The following IL1B variants were observed in gnomAD, a reference collection of about 807,000 sequenced individuals.
IL1B encodes interleukin-1 beta.
IL1B carries 11 observed loss-of-function variants against 26.2 expected under a neutral mutation model. The observed-to-expected ratio is 0.42, with a 90% confidence interval of 0.26 to 0.70. The LOEUF (loss-of-function observed/expected upper bound fraction) is 0.70, where lower values mean the gene tolerates loss of function less well. Among genes scored for constraint, IL1B ranks in the 30% least tolerant of loss-of-function variants. The pLI is 0.25. For missense variants in IL1B, 255 were observed against 327.5 expected, an observed-to-expected ratio of 0.78 and a Z score of 1.71; for synonymous variants, 118 against 120.8, an observed-to-expected ratio of 0.98 and a Z score of 0.15.
At chr2:112,836,376 A>T in intron 1 of IL1B, 132 bp from the exon 2 acceptor site, 1 of 726,354 alleles carries the variant, frequency 1.4e-6, no homozygotes, top group Non-Finnish European at 2.4e-6. Flanking sequence ...TGTGAAAGAG[A>T]AGTCCTTTGG....
intron 4 of IL1B, 113 bp downstream of exon 4, chr2:112,833,261 C>A: frequency 1.0e-6 from 1 of 957,942 alleles, no homozygotes; most frequent in Non-Finnish European, 1.7e-6. Flanking sequence ...TGTCTCCCCG[C>A]TGGGCCTTCT....
chr2:112,830,604 G>A (rs749336024), intron 6 of IL1B, 31 bp from the exon 7 acceptor site: 37 of 1,478,756 alleles, frequency 2.5e-5, no homozygotes, highest in Non-Finnish European at 3.1e-5. Context: ...GAATTTTTGT[G>A]GGGCAAGGGA....
intron 3 of IL1B, 168 bp downstream of exon 3, chr2:112,835,398 G>A (rs1682070509): frequency 1.5e-6 from 1 of 683,158 alleles, no homozygotes; most frequent in Non-Finnish European, 2.7e-6. Flanking sequence ...GTGATATGAT[G>A]ACCAAGTGGC....
chr2:112,836,637 A>T (rs967904099), intron 1 of IL1B, 71 bp downstream of exon 1: 2 of 267,664 alleles, frequency 7.5e-6, no homozygotes, highest in East Asian at 1.8e-4. Flanking sequence ...GAGAATATGC[A>T]TACACACAAA....
chr2:112,835,683 G>A, intron 2 of IL1B, 66 bp from the exon 3 acceptor site: 2 of 1,361,144 alleles, frequency 1.5e-6, no homozygotes, highest in Non-Finnish European at 2.1e-6. Flanking sequence ...CCTTCCCTGT[G>A]TACAAGACTT....
At chr2:112,834,935 C>G (rs1391648045) in intron 3 of IL1B, among the ~76,000 whole-genome samples, 1 of 152,160 alleles carries the variant, frequency 6.6e-6, no homozygotes, top group Non-Finnish European at 1.5e-5. Context: ...GCCCAAATGC[C>G]CTTAGCTACA....
intron 3 of IL1B, among the ~76,000 whole-genome samples, chr2:112,834,092 C>T (rs1046383856): frequency 1.3e-5 from 2 of 152,206 alleles, no homozygotes; most frequent in Non-Finnish European, 2.9e-5. Context: ...TACTCAAGGG[C>T]ACACAGCAGG....
chr2:112,830,786 A>G (rs1479366016), intron 6 of IL1B, among the ~76,000 whole-genome samples: 3 of 152,118 alleles, frequency 2.0e-5, no homozygotes, highest in African/African-American at 7.2e-5. Context: ...GCTGAGGAGC[A>G]TAATGTAGGT....
In IL1B at chr2:112,832,257, G is replaced by C. The variant is rs541643710; in HGVS notation, c.466+405C>G. ...TGGGTGGGACGGATGTTGGGGCAAG[G>C]GGGGAAGACTGGGGAGGGGGATGGA... On this transcript the variant is annotated intron_variant, in intron 5 of 6. Transcript: ENST00000263341. Among the ~76,000 whole-genome samples the C allele has an allele frequency of 7.9e-5, 12 of 152,304 alleles. No homozygotes were observed. The South Asian group carries it at 2.3e-3, about 29-fold the overall frequency.
intron 6 of IL1B, 62 bp from the exon 7 acceptor site, chr2:112,830,635 T>C (rs1436791955): frequency 2.5e-6 from 3 of 1,217,826 alleles, no homozygotes; most frequent in Admixed American, 1.7e-5. Flanking sequence ...ATGGGAAAGA[T>C]GTTCTTTGGG....
Position 112,835,592 on chromosome 2 carries a change from C to T in IL1B, c.73G>A (p.Glu25Lys). Residue 25 changes from glutamate (E) to lysine (K), a missense_variant, in exon 3 of 7, where the codon GAA becomes AAA. Glu to Lys is a moderately conservative substitution (Grantham distance 56). Coordinates refer to ENST00000263341, the MANE Select transcript of IL1B (RefSeq NM_000576.3). ...YSGNEDDLFF[E>K]ADGPKQMKCS... ...TTCATCTGTTTAGGGCCATCAGCTT[C>T]AAAGAACAAGTCATCCTCATTGCCA... 1 of 1,613,892 alleles carries T rather than the reference C, an allele frequency of 6.2e-7. No individual in the cohort carries two copies. The highest frequency in any genetic ancestry group is 1.7e-5 in the Admixed American group (1 of 60,022).
At chr2:112,833,288 G>T in intron 4 of IL1B, 86 bp downstream of exon 4, 1 of 1,307,174 alleles carries the variant, frequency 7.7e-7, no homozygotes, top group Non-Finnish European at 1.1e-6. Flanking sequence ...AAAGGGCTTT[G>T]GCTCTGGGGG....
chr2:112,832,321 A>G (rs572964675), intron 5 of IL1B, among the ~76,000 whole-genome samples: 2 of 152,298 alleles, frequency 1.3e-5, no homozygotes, highest in South Asian at 4.1e-4. Context: ...AGCCTCAACA[A>G]CAGGAAGAGA....
intron 2 of IL1B, 119 bp downstream of exon 2, chr2:112,836,063 AC>A: frequency 1.2e-6 from 1 of 864,996 alleles, no homozygotes; most frequent in Non-Finnish European, 2.0e-6. Flanking sequence ...TTTACTTGGC[AC>A]CCTGTTTGCC....
At chr2:112,835,479 G>A in intron 3 of IL1B, 87 bp downstream of exon 3, 1 of 1,018,772 alleles carries the variant, frequency 9.8e-7, no homozygotes, top group Non-Finnish European at 1.6e-6. Context: ...AAATACCATG[G>A]CATCAAAGTG....
intron 4 of IL1B, 151 bp downstream of exon 4, chr2:112,833,223 T>G (rs981988724): frequency 1.3e-6 from 1 of 742,898 alleles, no homozygotes; most frequent in African/African-American, 1.7e-5. Context: ...AAAGAGATGA[T>G]TGCTTTGGTT....
chr2:112,832,215 A>G (rs1281159340), intron 5 of IL1B, among the ~76,000 whole-genome samples: 1 of 152,034 alleles, frequency 6.6e-6, no homozygotes, highest in African/African-American at 2.4e-5. Context: ...ATTTCCCTAC[A>G]AGGAACCACC....
chr2:112,834,090 G>A (rs1377133106), intron 3 of IL1B, among the ~76,000 whole-genome samples: 1 of 152,128 alleles, frequency 6.6e-6, no homozygotes, highest in East Asian at 1.9e-4. Context: ...TGTACTCAAG[G>A]GCACACAGCA....
At chr2:112,833,210 A>T (rs373108742) in intron 4 of IL1B, 164 bp downstream of exon 4, 1 of 716,450 alleles carries the variant, frequency 1.4e-6, no homozygotes, top group Non-Finnish European at 2.5e-6. Flanking sequence ...AATAGTTTCC[A>T]CTAAAGAGAT....
Sources: gnomAD v4.1 joint callset for allele counts (sites outside exome capture counted in the v4.1 genomes callset) on GRCh38, gnomAD v4.1.1 for gene constraint, MANE v1.5 for transcripts, NCBI Gene and HGNC (gene_info 2026-07-23, HGNC 2026-07-21) for gene names.